Variants in BLZF1 observed in about 807,000 individuals in gnomAD.
The protein encoded by BLZF1 is golgin-45.
A neutral mutation model predicts 43.8 loss-of-function variants in BLZF1; 39 were observed. The ratio of observed to expected loss-of-function variants is 0.89; its 90% CI spans 0.69 to 1.16. The LOEUF (loss-of-function observed/expected upper bound fraction) is 1.16. Ranked by LOEUF, BLZF1 falls within the 50% of genes most tolerant of loss-of-function variation. The pLI is 0.00. For synonymous variants in BLZF1, 136 were observed against 159.4 expected (o/e 0.85, Z 1.11); for missense variants, 449 against 469.8 (o/e 0.96, Z 0.41).
At position 169,376,599 on chromosome 1, in the gene BLZF1, C is replaced by T. The variant is rs141133669; in HGVS notation, c.88C>T (p.Pro30Ser). 1.9e-6 allele frequency: 3 copies of T among 1,612,784 alleles called. No individual in the cohort carries two copies. The African/African-American group carries it at 4.0e-5, about 22-fold the overall frequency. ...AGDGMETEEP[P>S]KSVEVTSGVQ... ...AGATGGAATGGAAACTGAGGAACCA[C>T]CTAAATCTGTTGAAGTTACCTCCGG... The change falls in exon 3 of 7, where the codon CCT (proline) becomes TCT (serine). Residue 30 changes from proline to serine, a missense_variant. By Grantham distance (74) the Pro-to-Ser change is moderately conservative. Coordinates refer to ENST00000367808, the MANE Select transcript of BLZF1 (RefSeq NM_001320973.2).
At chr1:169,370,647 A>G (rs1298558097) in intron 2 of BLZF1, among the ~76,000 whole-genome samples, 1 of 152,212 alleles carries the variant, frequency 6.6e-6, no homozygotes, top group Non-Finnish European at 1.5e-5. Context: ...AGCTATTTCA[A>G]TCATTGAAGA....
chr1:169,395,712 A>C (rs1654981714), intron 7 of BLZF1, among the ~76,000 whole-genome samples: 1 of 152,220 alleles, frequency 6.6e-6, no homozygotes, highest in African/African-American at 2.4e-5. Flanking sequence ...AAACATCAAA[A>C]GCAGGAAAGG....
intron 2 of BLZF1, among the ~76,000 whole-genome samples, chr1:169,374,654 T>C (rs1654241014): frequency 6.6e-6 from 1 of 152,002 alleles, no homozygotes; most frequent in African/African-American, 2.4e-5. Context: ...ATGGGAAAAA[T>C]TTGAAAAAAG....
chr1:169,381,071 G>A (rs10429893), intron 5 of BLZF1, among the ~76,000 whole-genome samples: 99,310 of 151,826 alleles, frequency 0.65, 32,803 homozygotes, highest in East Asian at 0.93. Context: ...TTTATTACAC[G>A]TAGAATCAGT....
In BLZF1 at chr1:169,380,661, G is replaced by A. The variant is rs746368817; in HGVS notation, c.797+52G>A. The A allele has an allele frequency of 1.9e-6, 3 of 1,590,866 alleles. No individual in the cohort carries two copies. In the East Asian group the frequency reaches 6.8e-5, roughly 36 times the overall value. Reference sequence around the variant, plus strand: ...TCTTCTGCTTTCTCCTGCAAATTAAGTTATTGTAGTTTTGGTTTTTTTGTT... The same window carrying A: ...TCTTCTGCTTTCTCCTGCAAATTAAATTATTGTAGTTTTGGTTTTTTTGTT... On this transcript the variant is annotated intron_variant, in intron 5 of 6. Transcript: ENST00000367808.
intron 4 of BLZF1, among the ~76,000 whole-genome samples, 171 bp from the exon 5 acceptor site, chr1:169,380,310 A>C (rs572754732): frequency 6.6e-6 from 1 of 152,174 alleles, no homozygotes; most frequent in East Asian, 1.9e-4. Context: ...AATGAACTCT[A>C]AGCTAATAAG....
At chr1:169,376,493 G>A (rs765357521) in intron 2 of BLZF1, 47 bp from the exon 3 acceptor site, 1 of 1,510,094 alleles carries the variant, frequency 6.6e-7, no homozygotes, top group African/African-American at 1.4e-5. Context: ...CATTTTCTTG[G>A]CATTTCTTCT....
chr1:169,388,373 TC>T (rs1158545817), downstream of BLZF1: 1 of 152,182 alleles, frequency 6.6e-6, no homozygotes, highest in Non-Finnish European at 1.5e-5. Context: ...CTTAACTACT[TC>T]CAATTGATTC....
At chr1:169,386,298 T>A (rs922348791) in intron 6 of BLZF1, among the ~76,000 whole-genome samples, 1 of 152,110 alleles carries the variant, frequency 6.6e-6, no homozygotes, top group African/African-American at 2.4e-5. Context: ...ATCGTTTCCA[T>A]AGAAGAATAA....
At chr1:169,383,904 C>T (rs540701353) in intron 6 of BLZF1, among the ~76,000 whole-genome samples, 1 of 152,144 alleles carries the variant, frequency 6.6e-6, no homozygotes, top group East Asian at 1.9e-4. Context: ...GCTTTCTTTA[C>T]ATAACATACT....
rs116624126 is a variant in BLZF1, at chr1:169,379,961, A to T, written c.669-520A>T. On this transcript the variant is annotated intron_variant, in intron 4 of 6. Transcript: ENST00000367808. Reference sequence around the variant, plus strand: ...ATAAATTTATTTTTAACACATGTATATGTTGAAATATACATAAATTTTTTT... The same window carrying T: ...ATAAATTTATTTTTAACACATGTATTTGTTGAAATATACATAAATTTTTTT... Among the ~76,000 whole-genome samples the T allele has an allele frequency of 6.2e-3, 946 of 152,090 alleles. 10 individuals carry two copies. The highest frequency in any genetic ancestry group is 0.021 in the African/African-American group (892 of 41,548).
At chr1:169,386,973 G>T in intron 6 of BLZF1, 24 bp from the exon 7 acceptor site, 1 of 1,545,360 alleles carries the variant, frequency 6.5e-7, no homozygotes, top group South Asian at 1.2e-5. Context: ...GCATACTTCT[G>T]ACATTATATC....
chr1:169,382,309 G>C (rs1654550700), intron 6 of BLZF1, 28 bp downstream of exon 6: 1 of 1,586,112 alleles, frequency 6.3e-7, no homozygotes, highest in Non-Finnish European at 8.6e-7. Context: ...GTGATCTATG[G>C]AACTTCTAAC....
At chr1:169,384,477 A>C (rs1654615894) in intron 6 of BLZF1, among the ~76,000 whole-genome samples, 1 of 152,140 alleles carries the variant, frequency 6.6e-6, no homozygotes, top group Non-Finnish European at 1.5e-5. Flanking sequence ...AGTCTCCCTC[A>C]TTATTGAATC....
chr1:169,385,222 C>T (rs765627590), intron 6 of BLZF1, among the ~76,000 whole-genome samples: 1 of 152,180 alleles, frequency 6.6e-6, no homozygotes, highest in Non-Finnish European at 1.5e-5. Context: ...TCTCCCAGAC[C>T]TTTATCCACC....
At chr1:169,368,745 T>A (rs1653994104) in intron 1 of BLZF1, among the ~76,000 whole-genome samples, 1 of 152,138 alleles carries the variant, frequency 6.6e-6, no homozygotes, top group South Asian at 2.1e-4. Context: ...GTTAAGAAAG[T>A]TAGTCGTCGG....
chr1:169,394,961 A>G (rs374998219), intron 7 of BLZF1: 2 of 1,185,884 alleles, frequency 1.7e-6, no homozygotes, highest in East Asian at 2.5e-5. Context: ...TCCATAATTT[A>G]GAATACAACC....
At chr1:169,369,625 C>A in intron 2 of BLZF1, 75 bp downstream of exon 2, 1 of 1,153,660 alleles carries the variant, frequency 8.7e-7, no homozygotes, top group Non-Finnish European at 1.3e-6. Flanking sequence ...AGCCAGATAA[C>A]TAGATCTCAT....
At position 169,387,253 on chromosome 1, in the gene BLZF1, G is replaced by C; in HGVS notation, c.*71G>C. 7.1e-7 allele frequency: 1 copy of C among 1,402,328 alleles called. No homozygotes were observed. The highest frequency in any genetic ancestry group is 9.8e-7 in the Non-Finnish European group (1 of 1,019,908). 86.9% of individuals were successfully genotyped at this position (1,402,328 alleles called of 1,614,324 possible). A position where few individuals can be genotyped will look rare whatever the true frequency, so the allele number is the denominator to read the frequency against. On this transcript the variant is annotated 3_prime_UTR_variant, in exon 7 of 7. Transcript: ENST00000367808. ...AGAGTCATTATTATTTGGGAGCTGG[G>C]GTTCTTACAATGCTAGAAATAATAT... is the stretch of plus-strand genomic sequence containing the variant.
Sources: allele counts gnomAD v4.1 joint callset (sites outside exome capture counted in the v4.1 genomes callset), GRCh38; gene constraint gnomAD v4.1.1; transcripts MANE v1.5; gene names NCBI Gene and HGNC (gene_info 2026-07-23, HGNC 2026-07-21).